The following PCDHGA7 variants were observed in gnomAD, a reference collection of about 807,000 sequenced individuals.
The protein encoded by PCDHGA7 is protocadherin gamma subfamily A, 7.
A neutral mutation model predicts 58.3 loss-of-function variants in PCDHGA7; 44 were observed. That is an observed-to-expected ratio of 0.75 (90% CI 0.59 to 0.97). The LOEUF is 0.97. Ranked by LOEUF, PCDHGA7 falls within the 50% of genes least tolerant of loss-of-function variation. The probability of loss-of-function intolerance (pLI) is 0.00; values close to 1 mark genes in which losing one functional copy is unlikely to be tolerated. For synonymous variants in PCDHGA7, 516 were observed against 504.2 expected, an observed-to-expected ratio of 1.02 and a Z score of -0.31; for missense variants, 1,266 against 1,188.7, an observed-to-expected ratio of 1.06 and a Z score of -0.96.
intron 1 of PCDHGA7, chr5:141,404,062 T>G: frequency 6.2e-7 from 1 of 1,613,906 alleles, no homozygotes; most frequent in African/African-American, 1.3e-5. Flanking sequence ...TTCTTTTCAA[T>G]GCTCATGACC....
intron 2 of PCDHGA7, among the ~76,000 whole-genome samples, chr5:141,499,133 T>C (rs1443866975): frequency 6.6e-6 from 1 of 152,184 alleles, no homozygotes; most frequent in East Asian, 1.9e-4. Context: ...GGTCATCCTT[T>C]GGGTGTCTGA....
At chr5:141,398,416 G>A (rs2093654818) in intron 1 of PCDHGA7, 3 of 1,496,580 alleles carry the variant, frequency 2.0e-6, no homozygotes, top group South Asian at 1.1e-5. Flanking sequence ...GGAGATATGC[G>A]GGAAGAAGCC....
At chr5:141,419,762 A>G in intron 1 of PCDHGA7, 1 of 1,614,008 alleles carries the variant, frequency 6.2e-7, no homozygotes, top group Non-Finnish European at 8.5e-7. Context: ...TTTGGGTGAC[A>G]AGGACTCGGT....
Position 141,490,924 on chromosome 5 carries a change from C to G in PCDHGA7, c.2425-3883C>G, listed in dbSNP as rs1469202824. The G allele has an allele frequency of 1.9e-6, 3 of 1,613,562 alleles. No individual in the cohort carries two copies. The highest frequency in any genetic ancestry group is 2.5e-6 in the Non-Finnish European group (3 of 1,179,702). ...TGTCCTAGACGAGAATGATAATGCC[C>G]CAGCTGTGCTGCACCCACGGCCAGA... On this transcript the variant is annotated intron_variant, in intron 1 of 3. Transcript: ENST00000518325. The surrounding 1 kb of genome is among the most constrained non-coding windows in gnomAD (Gnocchi z 5.4).
chr5:141,453,732 C>T (rs182118864), intron 1 of PCDHGA7, among the ~76,000 whole-genome samples: 9 of 152,332 alleles, frequency 5.9e-5, no homozygotes. Context: ...TTTGTTACTA[C>T]AGCTTAAATA....
Position 141,432,061 on chromosome 5 carries a change from G to A in PCDHGA7, c.2424+46738G>A. 1 of 1,614,130 alleles carries A rather than the reference G, an allele frequency of 6.2e-7. No homozygotes were observed. The highest frequency in any genetic ancestry group is 8.5e-7 in the Non-Finnish European group (1 of 1,180,034). ...ACCGGGGAACCCCGCCCCTATCCAC[G>A]GAAACTCATATCTCGCTGAACGTGG... On this transcript the variant is annotated intron_variant, in intron 1 of 3. Coordinates refer to ENST00000518325, the MANE Select transcript of PCDHGA7 (RefSeq NM_018920.4). The surrounding 1 kb of genome is among the most constrained non-coding windows in gnomAD (Gnocchi z 6.0).
chr5:141,443,288 C>T (rs2098378643), intron 1 of PCDHGA7, among the ~76,000 whole-genome samples: 1 of 150,180 alleles, frequency 6.7e-6, no homozygotes, highest in Non-Finnish European at 1.5e-5. Context: ...TGAGACCAGC[C>T]TGGACAGCAT....
intron 2 of PCDHGA7, among the ~76,000 whole-genome samples, chr5:141,502,239 A>G (rs2099813426): frequency 6.6e-6 from 1 of 152,148 alleles, no homozygotes; most frequent in Admixed American, 6.5e-5. Flanking sequence ...GTGTTCTTTT[A>G]TCCTTTTTTT....
chr5:141,390,679 C>T (rs1180129734), intron 1 of PCDHGA7: 1 of 185,884 alleles, frequency 5.4e-6, no homozygotes, highest in Non-Finnish European at 1.1e-5. Flanking sequence ...AATAATAAAG[C>T]CAAAGAATTT....
At position 141,487,249 on chromosome 5, in the gene PCDHGA7, C is replaced by T. The variant is rs757148469; in HGVS notation, c.2425-7558C>T. ...AAGGAGAATCTCGTCTAACCCTCTACTTGGCTGTGTCCCTAGTGGCAATTT... is the reference window on the plus strand; with the variant it reads ...AAGGAGAATCTCGTCTAACCCTCTATTTGGCTGTGTCCCTAGTGGCAATTT... On this transcript the variant is annotated intron_variant, in intron 1 of 3. Coordinates refer to ENST00000518325, the MANE Select transcript of PCDHGA7 (RefSeq NM_018920.4). The surrounding 1 kb of genome is among the most constrained non-coding windows in gnomAD (Gnocchi z 5.0). 2.5e-6 allele frequency: 4 copies of T among 1,614,164 alleles called. No homozygotes were observed. In the South Asian group the frequency reaches 4.4e-5, roughly 18 times the overall value.
Position 141,383,213 on chromosome 5 carries a change from A to C in PCDHGA7, c.314A>C (p.Asn105Thr). The C allele has an allele frequency of 6.2e-7, 1 of 1,614,012 alleles. No homozygotes were observed. Among genetic ancestry groups the C allele is most frequent in the Non-Finnish European group, 8.5e-7 (1 of 1,179,914 alleles). Residue 105 changes from asparagine to threonine, a missense_variant, in exon 1 of 4, where the codon AAC becomes ACC. Physicochemically the swap from Asn to Thr is moderately conservative, Grantham distance 65. Coordinates refer to ENST00000518325, the MANE Select transcript of PCDHGA7 (RefSeq NM_018920.4). ...ICAQSARCLV[N>T]FNILMEDKMN... is the part of the protein sequence containing the mutation. Reference sequence around the variant, plus strand: ...GCTCAGAGTGCGCGGTGTCTGGTAAACTTTAACATCCTGATGGAAGATAAA... The same window carrying C: ...GCTCAGAGTGCGCGGTGTCTGGTAACCTTTAACATCCTGATGGAAGATAAA...
Position 141,431,559 on chromosome 5 carries a change from C to T in PCDHGA7, c.2424+46236C>T. 6.2e-7 allele frequency: 1 copy of T among 1,614,158 alleles called. No individual in the cohort carries two copies. On this transcript the variant is annotated intron_variant, in intron 1 of 3. Transcript: ENST00000518325. The surrounding 1 kb of genome is among the most constrained non-coding windows in gnomAD (Gnocchi z 4.8). ...ACGCAGCTGCTTGTAGTCAACGCTA[C>T]CGACCCTGACGAAGGAGTCAATGCG...
chr5:141,484,219 C>T (rs766309865), intron 1 of PCDHGA7, among the ~76,000 whole-genome samples: 1 of 152,162 alleles, frequency 6.6e-6, no homozygotes, highest in Non-Finnish European at 1.5e-5. Context: ...TAGCATTCTG[C>T]CAGGTAAAGA....
chr5:141,505,436 T>C lies in PCDHGA7; in HGVS notation c.2527T>C (p.Phe843Leu). 1.2e-6 allele frequency: 2 copies of C among 1,614,118 alleles called. No homozygotes were observed. The highest frequency in any genetic ancestry group is 1.7e-6 in the Non-Finnish European group (2 of 1,179,998). ...DDTGTWPNNQ[F>L]DTEMLQAMIL... is the part of the protein sequence containing the mutation. ...CACCGGCACCTGGCCCAACAACCAG[T>C]TTGACACAGAGATGCTGCAAGCCAT... Residue 843 changes from phenylalanine (F) to leucine (L), a missense_variant, in exon 3 of 4, where the codon TTT becomes CTT. Phe to Leu is a conservative substitution (Grantham distance 22). Coordinates refer to ENST00000518325, the MANE Select transcript of PCDHGA7 (RefSeq NM_018920.4).
intron 1 of PCDHGA7, among the ~76,000 whole-genome samples, chr5:141,424,888 G>C (rs2096846233): frequency 6.6e-6 from 1 of 152,178 alleles, no homozygotes; most frequent in Non-Finnish European, 1.5e-5. Context: ...GACTTATCTA[G>C]GGTTTTTGAT....
intron 1 of PCDHGA7, 21 bp downstream of exon 1, chr5:141,385,344 A>G (rs1444885751): frequency 6.4e-7 from 1 of 1,567,338 alleles, no homozygotes. Context: ...CCCTTCCTTT[A>G]TTTCCATGAG....
rs556656447 is a variant in PCDHGA7 at position 141,500,319 on chromosome 5, C to CT, written c.2484-5073dup. Among the ~76,000 whole-genome samples the CT allele has an allele frequency of 2.6e-5, 4 of 152,122 alleles. No homozygotes were observed. The South Asian group carries it at 8.3e-4, about 32-fold the overall frequency. Reference sequence around the variant, plus strand: ...CGCCTCCCAGGTTCACGCCATGCTCCTGCCTCAGCCTCCAGAATAGCTGGG... The same window carrying CT: ...CGCCTCCCAGGTTCACGCCATGCTCCTTGCCTCAGCCTCCAGAATAGCTGGG... On this transcript the variant is annotated intron_variant, in intron 2 of 3. Coordinates refer to ENST00000518325, the MANE Select transcript of PCDHGA7 (RefSeq NM_018920.4).
intron 1 of PCDHGA7, chr5:141,427,267 A>C (rs1361287845): frequency 6.6e-6 from 3 of 456,648 alleles, no homozygotes; most frequent in Non-Finnish European, 1.3e-5. Flanking sequence ...ATGACCAGCG[A>C]ATGTAAAATT....
Position 141,432,503 on chromosome 5 carries a change from G to A in PCDHGA7, c.2424+47180G>A, listed in dbSNP as rs939325676. On this transcript the variant is annotated intron_variant, in intron 1 of 3. Transcript: ENST00000518325. This position sits in a 1 kb window ranked among gnomAD's most constrained non-coding sequence, Gnocchi z 6.0. ...TGGCGTGGAGCTGGCTCCCCGCTCC[G>A]CAGAGCCCGGCTACCTGGTGACCAA... 5 of 1,613,988 alleles carry A rather than the reference G, an allele frequency of 3.1e-6. No individual in the cohort carries two copies. Among genetic ancestry groups the A allele is most frequent in the Non-Finnish European group, 2.5e-6 (3 of 1,180,038 alleles).
Sources: gnomAD v4.1 joint callset for allele counts (sites outside exome capture counted in the v4.1 genomes callset) on GRCh38, gnomAD v4.1.1 for gene constraint, Gnocchi (gnomAD v3.1) non-coding constraint, MANE v1.5 for transcripts, NCBI Gene and HGNC (gene_info 2026-07-23, HGNC 2026-07-21) for gene names.